The following DPYD variants were observed in gnomAD, a reference collection of about 807,000 sequenced individuals.
DPYD encodes dihydropyrimidine dehydrogenase, also known as dihydropyrimidine dehydrogenase [NADP(+)].
In DPYD, 109 loss-of-function variants were observed where a neutral mutation model predicts 116.2. That is an observed-to-expected ratio of 0.94 (90% CI 0.80 to 1.10). DPYD has a LOEUF of 1.10. Among genes scored for constraint, DPYD ranks in the 50% least tolerant of loss-of-function variants. The pLI is 0.00. For missense variants in DPYD, 1,302 were observed against 1,254.5 expected, an observed-to-expected ratio of 1.04 and a Z score of -0.57; for synonymous variants, 440 against 432.0, an observed-to-expected ratio of 1.02 and a Z score of -0.23.
chr1:97,121,812 A>T (rs920630568), intron 20 of DPYD, among the ~76,000 whole-genome samples: 3 of 152,156 alleles, frequency 2.0e-5, no homozygotes, highest in Non-Finnish European at 2.9e-5. Flanking sequence ...GGCTCGAAAA[A>T]AGGCTTCAGC....
chr1:97,159,949 C>A (rs1655768262), intron 20 of DPYD, among the ~76,000 whole-genome samples: 1 of 151,970 alleles, frequency 6.6e-6, no homozygotes, highest in East Asian at 1.9e-4. Context: ...CTCCCTCCTT[C>A]CCTCTCTCCT....
intron 16 of DPYD, among the ~76,000 whole-genome samples, chr1:97,367,653 C>G (rs1671106361): frequency 6.6e-6 from 1 of 152,122 alleles, no homozygotes; most frequent in Non-Finnish European, 1.5e-5. Context: ...GCCTGTAAAG[C>G]TACGGCAGTC....
At chr1:97,674,921 A>C (rs959332145) in intron 8 of DPYD, among the ~76,000 whole-genome samples, 2 of 152,180 alleles carry the variant, frequency 1.3e-5, no homozygotes, top group East Asian at 3.9e-4. Context: ...ATACTATGGG[A>C]AAAAGGTGTT....
chr1:97,862,989 G>C (rs1671197259), intron 2 of DPYD, among the ~76,000 whole-genome samples: 1 of 151,628 alleles, frequency 6.6e-6, no homozygotes, highest in African/African-American at 2.4e-5. Context: ...AATAAAATGA[G>C]AAAATGTTTA....
At chr1:97,370,082 T>C (rs1671240175) in intron 16 of DPYD, among the ~76,000 whole-genome samples, 1 of 152,194 alleles carries the variant, frequency 6.6e-6, no homozygotes, top group South Asian at 2.1e-4. Context: ...GCAATAAACA[T>C]ACGTGTGCAT....
intron 12 of DPYD, among the ~76,000 whole-genome samples, chr1:97,525,060 T>A (rs938947686): frequency 6.6e-6 from 1 of 152,126 alleles, no homozygotes; most frequent in East Asian, 1.9e-4. Flanking sequence ...GTCAGAAAAA[T>A]CTATTGTCCC....
At chr1:97,751,866 G>A (rs1332134145) in intron 3 of DPYD, among the ~76,000 whole-genome samples, 1 of 151,502 alleles carries the variant, frequency 6.6e-6, no homozygotes, top group African/African-American at 2.4e-5. Context: ...GGATTCAAGC[G>A]ATTCTCATGC....
chr1:97,560,463 T>C (rs1317860244), intron 11 of DPYD, among the ~76,000 whole-genome samples: 1 of 150,172 alleles, frequency 6.7e-6, no homozygotes, highest in African/African-American at 2.5e-5. Context: ...GGCAAAGACA[T>C]AAGACAGTGT....
At chr1:97,164,121 C>T (rs530291443) in intron 20 of DPYD, among the ~76,000 whole-genome samples, 5 of 152,222 alleles carry the variant, frequency 3.3e-5, no homozygotes, top group African/African-American at 9.6e-5. Context: ...GTTGTTTCAA[C>T]ATATGTAAAT....
chr1:97,268,836 T>C (rs2100882281), intron 18 of DPYD, among the ~76,000 whole-genome samples: 1 of 152,286 alleles, frequency 6.6e-6, no homozygotes, highest in East Asian at 1.9e-4. Flanking sequence ...AAAACCTGGA[T>C]TTCTTCTATC....
At chr1:97,150,814 T>C (rs902851434) in intron 20 of DPYD, among the ~76,000 whole-genome samples, 1 of 152,190 alleles carries the variant, frequency 6.6e-6, no homozygotes, top group African/African-American at 2.4e-5. Flanking sequence ...TAGCTTCAAA[T>C]AGAACTAAGG....
At chr1:97,589,739 T>A (rs1654377724) in intron 10 of DPYD, among the ~76,000 whole-genome samples, 1 of 152,222 alleles carries the variant, frequency 6.6e-6, no homozygotes, top group Non-Finnish European at 1.5e-5. Context: ...CCATCAGACA[T>A]ATACATGTTG....
chr1:97,914,016 G>A (rs1482874882), intron 1 of DPYD, among the ~76,000 whole-genome samples: 2 of 152,002 alleles, frequency 1.3e-5, no homozygotes, highest in African/African-American at 4.8e-5. Context: ...GTGCCTCAAG[G>A]GGACATTCAT....
chr1:97,208,885 C>G (rs749034990), intron 19 of DPYD, among the ~76,000 whole-genome samples: 1 of 151,992 alleles, frequency 6.6e-6, no homozygotes, highest in Non-Finnish European at 1.5e-5. Flanking sequence ...TGACACAATG[C>G]GTTTGATTCA....
At chr1:97,732,510 G>T (rs2101051515) in intron 4 of DPYD, among the ~76,000 whole-genome samples, 1 of 150,848 alleles carries the variant, frequency 6.6e-6, no homozygotes, top group African/African-American at 2.4e-5. Context: ...GTAACCTTGT[G>T]AAGTTATATA....
intron 2 of DPYD, among the ~76,000 whole-genome samples, chr1:97,858,546 C>T (rs918258985): frequency 6.6e-6 from 1 of 152,084 alleles, no homozygotes; most frequent in African/African-American, 2.4e-5. Flanking sequence ...TCCTGTTTGA[C>T]TAGTCCCATT....
chr1:97,079,879 C>T (rs1570420756), intron 22 of DPYD, among the ~76,000 whole-genome samples: 1 of 152,100 alleles, frequency 6.6e-6, no homozygotes, highest in South Asian at 2.1e-4. Context: ...CCCTCCCTCC[C>T]TTCCTCCCTC....
At chr1:97,595,385 C>T (rs1002528213) in intron 8 of DPYD, among the ~76,000 whole-genome samples, 2 of 152,072 alleles carry the variant, frequency 1.3e-5, no homozygotes, top group African/African-American at 2.4e-5. Flanking sequence ...TCGTAAATCA[C>T]ACATTAATGT....
chr1:97,251,981 G>C (rs952794415), intron 18 of DPYD, among the ~76,000 whole-genome samples: 3 of 152,006 alleles, frequency 2.0e-5, no homozygotes, highest in African/African-American at 7.2e-5. Flanking sequence ...TGCCCAAATT[G>C]GTATTTGAGT....
Sources: allele counts gnomAD v4.1 joint callset (sites outside exome capture counted in the v4.1 genomes callset), GRCh38; gene constraint gnomAD v4.1.1; transcripts MANE v1.5; gene names NCBI Gene and HGNC (gene_info 2026-07-23, HGNC 2026-07-21).